TAX1BP1: variants seen among roughly 807,000 people sequenced by gnomAD.
The protein encoded by TAX1BP1 is tax1-binding protein 1.
In TAX1BP1, 62 loss-of-function variants were observed where a neutral mutation model predicts 97.7. That is an observed-to-expected ratio of 0.63 (90% CI 0.52 to 0.78). The LOEUF (loss-of-function observed/expected upper bound fraction) is 0.78, where lower values mean the gene tolerates loss of function less well. Ranked by LOEUF, TAX1BP1 falls within the 30% of genes least tolerant of loss-of-function variation. The probability of loss-of-function intolerance (pLI) is 0.00; values close to 1 mark genes in which losing one functional copy is unlikely to be tolerated. For missense variants in TAX1BP1, 867 were observed against 916.1 expected (o/e 0.95, Z 0.69); for synonymous variants, 340 against 304.2 (o/e 1.12, Z -1.23).
intron 9 of TAX1BP1, among the ~76,000 whole-genome samples, chr7:27,792,448 A>G (rs996286850): frequency 4.6e-5 from 7 of 152,186 alleles, no homozygotes; most frequent in African/African-American, 1.7e-4. Flanking sequence ...GGTTGGTGAA[A>G]GCTGCCCTAT....
At chr7:27,827,907 C>G (rs1791248338) in intron 16 of TAX1BP1, 87 bp downstream of exon 16, 13 of 1,172,506 alleles carry the variant, frequency 1.1e-5, no homozygotes, top group Non-Finnish European at 1.6e-5. Context: ...TAGAAATGCA[C>G]ATGTGTAGGG....
chr7:27,749,749 ACATT>A (rs781070106), intron 2 of TAX1BP1, among the ~76,000 whole-genome samples: 4 of 152,166 alleles, frequency 2.6e-5, no homozygotes, highest in Non-Finnish European at 4.4e-5. Context: ...AAATGGAGAA[ACATT>A]CATTGTAACA....
intron 4 of TAX1BP1, among the ~76,000 whole-genome samples, chr7:27,767,190 C>T (rs1382593672): frequency 6.6e-6 from 1 of 151,880 alleles, no homozygotes; most frequent in African/African-American, 2.4e-5. Context: ...TATATAGTGC[C>T]CTCTATTATA....
chr7:27,803,732 A>G (rs1286124046), intron 13 of TAX1BP1, among the ~76,000 whole-genome samples: 1 of 152,238 alleles, frequency 6.6e-6, no homozygotes, highest in African/African-American at 2.4e-5. Context: ...AAAATGTGTT[A>G]ATTTTATTGA....
intron 1 of TAX1BP1, among the ~76,000 whole-genome samples, chr7:27,744,267 A>T (rs554390210): frequency 3.9e-5 from 6 of 152,184 alleles, no homozygotes; most frequent in Non-Finnish European, 7.3e-5. Flanking sequence ...CTGGGACTAC[A>T]GGCGCCTGCC....
At chr7:27,790,869 C>G (rs1789678479) in intron 8 of TAX1BP1, among the ~76,000 whole-genome samples, 1 of 151,886 alleles carries the variant, frequency 6.6e-6, no homozygotes, top group Admixed American at 6.6e-5. Context: ...TTTTTTTGAT[C>G]TTTGTTAGTT....
chr7:27,813,942 G>C (rs561012938), intron 13 of TAX1BP1, among the ~76,000 whole-genome samples: 1 of 151,898 alleles, frequency 6.6e-6, no homozygotes, highest in Non-Finnish European at 1.5e-5. Flanking sequence ...TTAATGGTCA[G>C]TAAGTCCTCA....
At position 27,771,311 on chromosome 7, in the gene TAX1BP1, C is replaced by T. The variant is rs117670618; in HGVS notation, c.612+1477C>T. On this transcript the variant is annotated intron_variant, in intron 5 of 16. Transcript: ENST00000396319. ...AGGGATCAAGGTGAGATAGATGACTCATGAAAAAGGCCCATTTCACCATGT... is the reference window on the plus strand; with the variant it reads ...AGGGATCAAGGTGAGATAGATGACTTATGAAAAAGGCCCATTTCACCATGT... Among the ~76,000 whole-genome samples the T allele has an allele frequency of 7.1e-4, 105 of 147,734 alleles. 1 individual carries two copies. In the East Asian group the frequency reaches 0.017, roughly 24 times the overall value.
chr7:27,756,612 T>C (rs1171655745), intron 2 of TAX1BP1, among the ~76,000 whole-genome samples: 2 of 152,146 alleles, frequency 1.3e-5, no homozygotes, highest in Non-Finnish European at 1.5e-5. Context: ...AATTATCTTT[T>C]CTGGTATTCT....
At chr7:27,787,282 G>C in intron 7 of TAX1BP1, 136 bp from the exon 8 acceptor site, 2 of 673,330 alleles carry the variant, frequency 3.0e-6, no homozygotes, top group Non-Finnish European at 2.3e-6. Context: ...CAGAACCTGG[G>C]TCTCCTAAAT....
intron 13 of TAX1BP1, among the ~76,000 whole-genome samples, chr7:27,806,755 A>T (rs1217575700): frequency 6.6e-6 from 1 of 152,066 alleles, no homozygotes; most frequent in Non-Finnish European, 1.5e-5. Flanking sequence ...AGTTTTCCAT[A>T]GCAATTTTAG....
chr7:27,816,932 C>G lies in TAX1BP1; in HGVS notation c.1979C>G (p.Pro660Arg). The stretch of plus-strand genomic sequence containing the variant: ...TTTTACCCAGATGAAATACAAAGGC[C>G]ACCTGTCAGAGTCCCCTCTTGGGGA... ...GAFYPDEIQR[P>R]PVRVPSWGLE... The change falls in exon 15 of 17, where the codon CCA (proline) becomes CGA (arginine). Residue 660 changes from proline to arginine, a missense_variant. Transcript: ENST00000396319. The G allele has an allele frequency of 6.2e-7, 1 of 1,613,988 alleles. No individual in the cohort carries two copies. Among genetic ancestry groups the G allele is most frequent in the Non-Finnish European group, 8.5e-7 (1 of 1,179,990 alleles).
chr7:27,752,081 T>C (rs1583667578), intron 2 of TAX1BP1, among the ~76,000 whole-genome samples: 1 of 152,282 alleles, frequency 6.6e-6, no homozygotes, highest in African/African-American at 2.4e-5. Context: ...AATCTTATAG[T>C]GCTGAGTAAG....
Position 27,746,088 on chromosome 7 carries a change from A to T in TAX1BP1, c.-7-2430A>T, listed in dbSNP as rs190949487. 1.2e-3 allele frequency among the ~76,000 whole-genome samples: 188 copies of T among 152,308 alleles called. 2 individuals carry two copies. The highest frequency in any genetic ancestry group is 4.3e-3 in the African/African-American group (177 of 41,588). On this transcript the variant is annotated intron_variant, in intron 1 of 16. Coordinates refer to ENST00000396319, the MANE Select transcript of TAX1BP1 (RefSeq NM_006024.7). ...ACTTTTGCCTTGTTTTATAAAAAAA[A>T]TAGTTACAGCTTTGTTGGTTTAATT... is the stretch of plus-strand genomic sequence containing the variant.
At chr7:27,743,087 A>G (rs187243414) in intron 1 of TAX1BP1, among the ~76,000 whole-genome samples, 3 of 152,334 alleles carry the variant, frequency 2.0e-5, no homozygotes, top group Admixed American at 2.0e-4. Flanking sequence ...GTGTGGGCCA[A>G]TATCATAGCA....
In TAX1BP1 at chr7:27,829,082, C is replaced by T; in HGVS notation, c.*253C>T. On this transcript the variant is annotated 3_prime_UTR_variant, in exon 17 of 17. Transcript: ENST00000396319. Reference sequence around the variant, plus strand: ...TTGTGTGTTCGTATCTTTATTTATTCCCTAGTTTGCAGAACTGTCTGAATA... The same window carrying T: ...TTGTGTGTTCGTATCTTTATTTATTTCCTAGTTTGCAGAACTGTCTGAATA... 1 of 360,348 alleles carries T rather than the reference C, an allele frequency of 2.8e-6. No individual in the cohort carries two copies. The highest frequency in any genetic ancestry group is 5.0e-6 in the Non-Finnish European group (1 of 201,814). 22.3% of individuals were successfully genotyped at this position (360,348 alleles called of 1,614,324 possible).
Position 27,828,859 on chromosome 7 carries a change from AG to A in TAX1BP1, c.*31del. ...TTTTTATTATGAGTTAATATAGTTT[AG>A]CAGTAAAAAAAAAAAAAAAAACCAC... On this transcript the variant is annotated 3_prime_UTR_variant, in exon 17 of 17. Transcript: ENST00000396319. 8.6e-7 allele frequency: 1 copy of A among 1,165,900 alleles called. No homozygotes were observed. Among genetic ancestry groups the A allele is most frequent in the Admixed American group, 2.3e-5 (1 of 42,980 alleles). 72.2% of individuals were successfully genotyped at this position (1,165,900 alleles called of 1,614,324 possible).
chr7:27,762,754 G>A (rs1002338800), intron 3 of TAX1BP1, among the ~76,000 whole-genome samples: 1 of 152,116 alleles, frequency 6.6e-6, no homozygotes. Context: ...TTTGAGACCA[G>A]CCTGGGCAAT....
intron 2 of TAX1BP1, among the ~76,000 whole-genome samples, chr7:27,755,575 G>A (rs758994113): frequency 6.6e-6 from 1 of 152,082 alleles, no homozygotes; most frequent in Non-Finnish European, 1.5e-5. Flanking sequence ...TATCCAACAT[G>A]TTTTTCTGAA....
Sources: allele counts gnomAD v4.1 joint callset (sites outside exome capture counted in the v4.1 genomes callset), GRCh38; gene constraint gnomAD v4.1.1; transcripts MANE v1.5; gene names NCBI Gene and HGNC (gene_info 2026-07-23, HGNC 2026-07-21).